ISG20: variants seen among roughly 807,000 people sequenced by gnomAD.
The protein encoded by ISG20 is interferon-stimulated gene 20 kDa protein.
A neutral mutation model predicts 11.1 loss-of-function variants in ISG20; 8 were observed. That is an observed-to-expected ratio of 0.72 (90% CI 0.42 to 1.30). ISG20 has a LOEUF of 1.30. Ranked by LOEUF, ISG20 falls within the 50% of genes most tolerant of loss-of-function variation. ISG20 has a pLI of 0.01. For synonymous variants in ISG20, 110 were observed against 101.7 expected (o/e 1.08, Z -0.49); for missense variants, 243 against 250.2 (o/e 0.97, Z 0.19).
intron 2 of ISG20, among the ~76,000 whole-genome samples, chr15:88,644,389 T>G (rs1183863189): frequency 6.6e-6 from 1 of 151,762 alleles, no homozygotes; most frequent in Non-Finnish European, 1.5e-5. Context: ...CAAAATTAGC[T>G]GGGCATGGTG....
At chr15:88,655,276 T>C (rs184036080) in intron 3 of ISG20, 139 bp from the exon 4 acceptor site, 5 of 735,828 alleles carry the variant, frequency 6.8e-6, no homozygotes, top group African/African-American at 3.6e-5. Flanking sequence ...AAGTCCAGAG[T>C]GTCAGAGACC....
chr15:88,655,806 G>A lies in ISG20; in HGVS notation c.*275G>A, dbSNP rs1033495115. 3.3e-6 allele frequency: 1 copy of A among 300,686 alleles called. No homozygotes were observed. The highest frequency in any genetic ancestry group is 5.3e-5 in the Admixed American group (1 of 18,740). 18.6% of individuals were successfully genotyped at this position (300,686 alleles called of 1,614,324 possible). ...TTGAATCCTGTGGGTCCAAAATGTG[G>A]CTTGGAAATCTAAGTAGCATGTGGC... On this transcript the variant is annotated 3_prime_UTR_variant, in exon 4 of 4. Coordinates refer to ENST00000306072, the MANE Select transcript of ISG20 (RefSeq NM_002201.6).
At position 88,639,172 on chromosome 15, in the gene ISG20, G is replaced by A. The variant is rs980725053; in HGVS notation, c.-25+96G>A. The stretch of plus-strand genomic sequence containing the variant: ...GCAGGCCAGAGGCCCTGGGACACAC[G>A]GGCAGGGTAAGGCAGGGGATGGGGG... On this transcript the variant is annotated intron_variant, in intron 1 of 3. Coordinates refer to ENST00000306072, the MANE Select transcript of ISG20 (RefSeq NM_002201.6). The surrounding 1 kb of genome is among the most constrained non-coding windows in gnomAD (Gnocchi z 4.2). 1.7e-5 allele frequency: 10 copies of A among 598,100 alleles called. No individual in the cohort carries two copies. The highest frequency in any genetic ancestry group is 2.4e-5 in the Non-Finnish European group (8 of 336,742). The allele number at this position is 598,100 out of a possible 1,614,324, so 37.0% of individuals were successfully genotyped here.
At position 88,650,783 on chromosome 15, in the gene ISG20, T is replaced by C. The variant is rs574805490; in HGVS notation, c.229-1327T>C. On this transcript the variant is annotated intron_variant, in intron 2 of 3. Coordinates refer to ENST00000306072, the MANE Select transcript of ISG20 (RefSeq NM_002201.6). The surrounding 1 kb of genome is among the most constrained non-coding windows in gnomAD (Gnocchi z 4.0). ...GGTGGCCAGACATTTATTTATTTAT[T>C]TATTTATTGAGACGGAGTCGTGCTC... The C allele has an allele frequency of 4.9e-5, 8 of 162,580 alleles. No individual in the cohort carries two copies. The highest frequency in any genetic ancestry group is 6.7e-5 in the Non-Finnish European group (5 of 74,434). 10.1% of individuals were successfully genotyped at this position (162,580 alleles called of 1,614,324 possible).
At position 88,650,168 on chromosome 15, in the gene ISG20, A is replaced by T; in HGVS notation, c.229-1942A>T. 7.5e-7 allele frequency: 1 copy of T among 1,339,478 alleles called. No individual in the cohort carries two copies. Among genetic ancestry groups the T allele is most frequent in the Non-Finnish European group, 1.0e-6 (1 of 968,382 alleles). The allele number at this position is 1,339,478 out of a possible 1,614,324, so 83.0% of individuals were successfully genotyped here. A position where few individuals can be genotyped will look rare whatever the true frequency, so the allele number is the denominator to read the frequency against. On this transcript the variant is annotated intron_variant, in intron 2 of 3. Transcript: ENST00000306072. This position sits in a 1 kb window ranked among gnomAD's most constrained non-coding sequence, Gnocchi z 4.0. ...ACGAAGGCTGTCCTAGAGCTGTCCA[A>T]AGTGGGCCTGGACTAGCCACGAGCC...
intron 3 of ISG20, among the ~76,000 whole-genome samples, chr15:88,654,433 C>T (rs562604410): frequency 5.8e-4 from 89 of 152,346 alleles, no homozygotes; most frequent in African/African-American, 2.1e-3. Context: ...GTGTCCCCAA[C>T]ACCCTGTCTG....
chr15:88,648,866 C>T (rs1050819002), intron 2 of ISG20: 7 of 152,206 alleles, frequency 4.6e-5, no homozygotes, highest in Non-Finnish European at 1.0e-4. Flanking sequence ...CCAGTTCTTT[C>T]CAGGAATTTG....
intron 2 of ISG20, 163 bp from the exon 3 acceptor site, chr15:88,651,947 G>C (rs6496516): frequency 0.84 from 1,218,777 of 1,446,552 alleles, 514,807 homozygotes; most frequent in Middle Eastern, 0.89. Context: ...GGGTCCTAGT[G>C]CAATCTCTTC....
chr15:88,635,958 C>T (rs958473989), upstream of ISG20, among the ~76,000 whole-genome samples: 3 of 152,160 alleles, frequency 2.0e-5, no homozygotes, highest in African/African-American at 4.8e-5. Flanking sequence ...CCATGTTGTT[C>T]AAGGGCCAAC....
upstream of ISG20, among the ~76,000 whole-genome samples, chr15:88,637,660 C>T (rs1007042807): frequency 2.6e-5 from 4 of 152,016 alleles, no homozygotes; most frequent in Admixed American, 6.6e-5. Context: ...GACTGAGACC[C>T]GAGGAGGTGA....
chr15:88,650,538 G>T lies in ISG20; in HGVS notation c.229-1572G>T. The T allele has an allele frequency of 1.7e-6, 2 of 1,207,138 alleles. No individual in the cohort carries two copies. Among genetic ancestry groups the T allele is most frequent in the Non-Finnish European group, 2.2e-6 (2 of 907,988 alleles). The allele number at this position is 1,207,138 out of a possible 1,614,324, so 74.8% of individuals were successfully genotyped here. ...TTGGCAAATCACACCAAAACTTACC[G>T]GTTCAAACAATGTCAATACTTATTT... On this transcript the variant is annotated intron_variant, in intron 2 of 3. Transcript: ENST00000306072. This position sits in a 1 kb window ranked among gnomAD's most constrained non-coding sequence, Gnocchi z 4.0.
intron 2 of ISG20, among the ~76,000 whole-genome samples, chr15:88,646,663 G>C (rs1454048491): frequency 6.6e-6 from 1 of 152,150 alleles, no homozygotes; most frequent in Non-Finnish European, 1.5e-5. Flanking sequence ...ATGTGCTGAG[G>C]GCCCCCAAAG....
intron 2 of ISG20, chr15:88,649,228 C>G (rs1203242432): frequency 2.0e-5 from 3 of 152,368 alleles, no homozygotes; most frequent in African/African-American, 7.2e-5. Context: ...AGTGGTGTCT[C>G]TTTGCTAAAT....
chr15:88,636,455 A>T (rs570207134), upstream of ISG20, among the ~76,000 whole-genome samples: 82 of 152,292 alleles, frequency 5.4e-4, no homozygotes, highest in Non-Finnish European at 8.2e-4. Context: ...TTTTGAACTA[A>T]ACAGATGGCA....
rs1186924140 is a variant in ISG20 at position 88,650,548 on chromosome 15, A to C, written c.229-1562A>C. On this transcript the variant is annotated intron_variant, in intron 2 of 3. Coordinates refer to ENST00000306072, the MANE Select transcript of ISG20 (RefSeq NM_002201.6). The surrounding 1 kb of genome is among the most constrained non-coding windows in gnomAD (Gnocchi z 4.0). Reference sequence around the variant, plus strand: ...ACACCAAAACTTACCGGTTCAAACAATGTCAATACTTATTTCGCTCGGCCA... The same window carrying C: ...ACACCAAAACTTACCGGTTCAAACACTGTCAATACTTATTTCGCTCGGCCA... 141 of 1,043,554 alleles carry C rather than the reference A, an allele frequency of 1.4e-4. No homozygotes were observed. The highest frequency in any genetic ancestry group is 1.5e-4 in the Non-Finnish European group (116 of 772,024). 64.6% of individuals were successfully genotyped at this position (1,043,554 alleles called of 1,614,324 possible).
At chr15:88,644,532 CA>C (rs373461017) in intron 2 of ISG20, among the ~76,000 whole-genome samples, 38,813 of 88,202 alleles carry the variant, frequency 0.44, 6,517 homozygotes, top group East Asian at 0.64. Flanking sequence ...ACTTAGTCTC[CA>C]AAAAAAAAAA....
Position 88,655,508 on chromosome 15 carries a change from C to A in ISG20, c.523C>A (p.Pro175Thr). Residue 175 changes from proline to threonine, a missense_variant, in exon 4 of 4, where the codon CCC becomes ACC. By Grantham distance (38) the Pro-to-Thr change is conservative. Transcript: ENST00000306072. ...SQRIRARRGL[P>T]RLAVSD ...GAGAATCCGAGCCCGCCGAGGGCTG[C>A]CCCGCCTGGCTGTGTCAGACTGAAG... is the stretch of plus-strand genomic sequence containing the variant. 1 of 1,613,734 alleles carries A rather than the reference C, an allele frequency of 6.2e-7. No homozygotes were observed. The highest frequency in any genetic ancestry group is 1.1e-5 in the South Asian group (1 of 91,078).
Position 88,643,751 on chromosome 15 carries a change from G to T in ISG20, c.228+4157G>T, listed in dbSNP as rs2058121339. 6.6e-6 allele frequency among the ~76,000 whole-genome samples: 1 copy of T among 152,096 alleles called. No homozygotes were observed. The highest frequency in any genetic ancestry group is 1.5e-5 in the Non-Finnish European group (1 of 68,016). On this transcript the variant is annotated intron_variant, in intron 2 of 3. Transcript: ENST00000306072. This position sits in a 1 kb window ranked among gnomAD's most constrained non-coding sequence, Gnocchi z 4.4. ...TGTGGCTTGCATTATATTTCTATTG[G>T]ACAACACTGTTCTAGAAGTACAGAT...
chr15:88,655,526 G>A lies in ISG20; in HGVS notation c.541G>A (p.Asp181Asn). 6.2e-7 allele frequency: 1 copy of A among 1,613,300 alleles called. No individual in the cohort carries two copies. Among genetic ancestry groups the A allele is most frequent in the Non-Finnish European group, 8.5e-7 (1 of 1,179,626 alleles). Residue 181 changes from aspartate (D) to asparagine (N), a missense_variant, in exon 4 of 4, where the codon GAC (aspartate) becomes AAC (asparagine). Physicochemically the swap from Asp to Asn is conservative, Grantham distance 23 (BLOSUM62 1). Coordinates refer to ENST00000306072, the MANE Select transcript of ISG20 (RefSeq NM_002201.6). The stretch of plus-strand genomic sequence containing the variant: ...AGGGCTGCCCCGCCTGGCTGTGTCA[G>A]ACTGAAGCCCCATCCAGCCCGTTCC... The part of the protein sequence containing the change: ...RRGLPRLAVS[D>N]
Sources: gnomAD v4.1 joint callset for allele counts (sites outside exome capture counted in the v4.1 genomes callset) on GRCh38, gnomAD v4.1.1 for gene constraint, Gnocchi (gnomAD v3.1) non-coding constraint, MANE v1.5 for transcripts, NCBI Gene and HGNC (gene_info 2026-07-23, HGNC 2026-07-21) for gene names.